Variants in PRKCA observed in about 807,000 individuals in gnomAD.
PRKCA encodes protein kinase C alpha type.
In PRKCA, 27 loss-of-function variants were observed where a neutral mutation model predicts 87.0. The observed-to-expected ratio is 0.31, with a 90% confidence interval of 0.23 to 0.43. PRKCA has a LOEUF of 0.43. Ranked by LOEUF, PRKCA falls within the 20% of genes least tolerant of loss-of-function variation. The probability of loss-of-function intolerance (pLI) is 1.00; values close to 1 mark genes in which losing one functional copy is unlikely to be tolerated. For synonymous variants in PRKCA, 329 were observed against 311.1 expected (o/e 1.06, Z -0.61); for missense variants, 518 against 852.3 (o/e 0.61, Z 4.88).
chr17:66,575,535 G>T (rs1019203373), intron 3 of PRKCA, among the ~76,000 whole-genome samples: 2 of 152,126 alleles, frequency 1.3e-5, no homozygotes, highest in Non-Finnish European at 2.9e-5. Context: ...AGCCGAGATC[G>T]CATCCTTGCA....
intron 3 of PRKCA, among the ~76,000 whole-genome samples, chr17:66,535,163 A>G (rs1456108940): frequency 1.3e-5 from 2 of 152,176 alleles, no homozygotes; most frequent in African/African-American, 4.8e-5. Flanking sequence ...TCCAAGGCAT[A>G]CTCAGCAGTA....
intron 3 of PRKCA, among the ~76,000 whole-genome samples, chr17:66,614,171 C>G (rs532530973): frequency 6.6e-6 from 1 of 152,128 alleles, no homozygotes; most frequent in South Asian, 2.1e-4. Flanking sequence ...TCCAGCTGGA[C>G]GTGAAGTGGA....
chr17:66,324,108 CAGG>C (rs1905836579), intron 2 of PRKCA, among the ~76,000 whole-genome samples: 2 of 151,790 alleles, frequency 1.3e-5, no homozygotes, highest in East Asian at 3.9e-4. Flanking sequence ...GCAAAGAAAG[CAGG>C]AGGTGAATTG....
rs144536690 is a variant in PRKCA, at chr17:66,655,597, T to C, written c.529+10086T>C. 5.2e-3 allele frequency among the ~76,000 whole-genome samples: 785 copies of C among 152,366 alleles called. 11 individuals are homozygous for C. Among genetic ancestry groups the C allele is most frequent in the African/African-American group, 0.016 (675 of 41,594 alleles). The stretch of plus-strand genomic sequence containing the variant: ...GATTTCACCTGTGTGTTTATTTACA[T>C]GTTGATCTCCTTCCACTATGTCATA... On this transcript the variant is annotated intron_variant, in intron 5 of 16. Transcript: ENST00000413366.
chr17:66,465,775 G>A (rs569020666), intron 2 of PRKCA, among the ~76,000 whole-genome samples: 2 of 152,240 alleles, frequency 1.3e-5, no homozygotes, highest in East Asian at 3.9e-4. Flanking sequence ...GCTTTAATTC[G>A]AAGAGACAAC....
chr17:66,402,922 A>G (rs946849629), intron 2 of PRKCA, among the ~76,000 whole-genome samples: 23 of 152,218 alleles, frequency 1.5e-4, no homozygotes, highest in Admixed American at 1.0e-3. Context: ...GAAAGCTCCT[A>G]AATATTGGAG....
intron 3 of PRKCA, among the ~76,000 whole-genome samples, chr17:66,559,240 A>C (rs1252222275): frequency 6.6e-6 from 1 of 151,870 alleles, no homozygotes; most frequent in East Asian, 1.9e-4. Flanking sequence ...TGGGAGGTTG[A>C]GGTGGATGGG....
intron 8 of PRKCA, among the ~76,000 whole-genome samples, chr17:66,727,810 C>T (rs559894255): frequency 1.3e-5 from 2 of 152,068 alleles, no homozygotes; most frequent in African/African-American, 4.8e-5. Context: ...GAGGTGCTGG[C>T]CAAAGGTCTG....
At chr17:66,383,958 A>G (rs1391510098) in intron 2 of PRKCA, among the ~76,000 whole-genome samples, 1 of 152,178 alleles carries the variant, frequency 6.6e-6, no homozygotes, top group Non-Finnish European at 1.5e-5. Context: ...TCAAAAAAAA[A>G]AAAATTGTTT....
At chr17:66,324,275 A>G (rs112261996) in intron 2 of PRKCA, among the ~76,000 whole-genome samples, 42 of 152,148 alleles carry the variant, frequency 2.8e-4, no homozygotes, top group African/African-American at 9.9e-4. Context: ...GATAAATATG[A>G]CTTAGATACA....
intron 2 of PRKCA, among the ~76,000 whole-genome samples, chr17:66,348,623 A>G (rs1231755084): frequency 6.6e-6 from 1 of 152,244 alleles, no homozygotes; most frequent in Non-Finnish European, 1.5e-5. Flanking sequence ...CATCAATCCA[A>G]AACTCTTATT....
intron 14 of PRKCA, chr17:66,777,846 A>T (rs1975095319): frequency 1.0e-6 from 1 of 985,310 alleles, no homozygotes; most frequent in Admixed American, 6.1e-5. Context: ...CAAGAATTTC[A>T]GAACCCAGGT....
intron 2 of PRKCA, among the ~76,000 whole-genome samples, chr17:66,315,906 CAT>C (rs1194094054): frequency 6.6e-6 from 1 of 152,200 alleles, no homozygotes; most frequent in Non-Finnish European, 1.5e-5. Flanking sequence ...GGACAGAAGA[CAT>C]ATATGAAAAC....
chr17:66,581,973 G>A (rs773409934), intron 3 of PRKCA, among the ~76,000 whole-genome samples: 3 of 152,116 alleles, frequency 2.0e-5, no homozygotes, highest in Non-Finnish European at 4.4e-5. Flanking sequence ...AGGACATTTA[G>A]CCATTAGCCC....
chr17:66,801,446 A>G (rs907472524), intron 16 of PRKCA, among the ~76,000 whole-genome samples: 3 of 152,152 alleles, frequency 2.0e-5, no homozygotes, highest in Admixed American at 6.5e-5. Flanking sequence ...GAGGAGGGCT[A>G]TTTCTTTGGC....
In PRKCA at chr17:66,501,100, A is replaced by G. The variant is rs370607710; in HGVS notation, c.288+4817A>G. 7.9e-5 allele frequency among the ~76,000 whole-genome samples: 12 copies of G among 152,330 alleles called. No homozygotes were observed. In the South Asian group the frequency reaches 2.1e-3, roughly 26 times the overall value. On this transcript the variant is annotated intron_variant, in intron 3 of 16. Transcript: ENST00000413366. ...TACAATCCTTGTGAAATCCTCAAAT[A>G]TTGTACCTGCTCTGCCATCTTCAAG...
intron 2 of PRKCA, among the ~76,000 whole-genome samples, chr17:66,397,147 G>A (rs1910736186): frequency 6.6e-6 from 1 of 151,104 alleles, no homozygotes; most frequent in African/African-American, 2.4e-5. Flanking sequence ...TGTATTTTTG[G>A]TAGAGACAGG....
chr17:66,555,808 T>G (rs1006214467), intron 3 of PRKCA, among the ~76,000 whole-genome samples: 1 of 152,170 alleles, frequency 6.6e-6, no homozygotes, highest in Non-Finnish European at 1.5e-5. Flanking sequence ...AATTTTAGAC[T>G]GTCCTTAGGT....
At chr17:66,480,362 T>A (rs1915727037) in intron 2 of PRKCA, among the ~76,000 whole-genome samples, 2 of 152,142 alleles carry the variant, frequency 1.3e-5, no homozygotes, top group Admixed American at 1.3e-4. Flanking sequence ...CCAACATACT[T>A]GATATAAGAG....
Sources: gnomAD v4.1 joint callset for allele counts (sites outside exome capture counted in the v4.1 genomes callset) on GRCh38, gnomAD v4.1.1 for gene constraint, MANE v1.5 for transcripts, NCBI Gene and HGNC (gene_info 2026-07-23, HGNC 2026-07-21) for gene names.